Variants in MAP4K4 observed in about 807,000 individuals in gnomAD.
MAP4K4 encodes HPK/GCK-like kinase HGK.
A neutral mutation model predicts 189.6 loss-of-function variants in MAP4K4; 38 were observed. That is an observed-to-expected ratio of 0.20 (90% CI 0.15 to 0.26). The LOEUF is 0.26. Ranked by LOEUF, MAP4K4 falls within the 10% of genes least tolerant of loss-of-function variation. The pLI is 1.00. For synonymous variants in MAP4K4, 610 were observed against 624.3 expected (o/e 0.98, Z 0.34); for missense variants, 1,054 against 1,726.9 (o/e 0.61, Z 6.91).
At chr2:101,799,578 T>G (rs2094164566) in intron 3 of MAP4K4, among the ~76,000 whole-genome samples, 1 of 151,746 alleles carries the variant, frequency 6.6e-6, no homozygotes, top group South Asian at 2.1e-4. Flanking sequence ...TGTATATGTG[T>G]GTGGGTTTTT....
At chr2:101,863,748 G>T in intron 16 of MAP4K4, 73 bp from the exon 17 acceptor site, 1 of 1,016,986 alleles carries the variant, frequency 9.8e-7, no homozygotes, top group Non-Finnish European at 1.4e-6. Flanking sequence ...TCCTGCTTTG[G>T]ATTTGGTATT....
intron 3 of MAP4K4, among the ~76,000 whole-genome samples, chr2:101,792,968 C>A (rs1235653188): frequency 6.6e-6 from 1 of 152,150 alleles, no homozygotes; most frequent in African/African-American, 2.4e-5. Context: ...GTTAGTGCTT[C>A]AGTGTATTTC....
intron 30 of MAP4K4, 105 bp downstream of exon 30, chr2:101,887,342 C>A: frequency 8.4e-7 from 1 of 1,195,070 alleles, no homozygotes; most frequent in Non-Finnish European, 1.2e-6. Context: ...ATTCATTTCC[C>A]CTTGGTGTGG....
At chr2:101,718,100 T>C (rs1006893402) in intron 2 of MAP4K4, among the ~76,000 whole-genome samples, 2 of 151,836 alleles carry the variant, frequency 1.3e-5, no homozygotes, top group African/African-American at 4.8e-5. Flanking sequence ...CTACTAAAAA[T>C]ACAAAATTAG....
At chr2:101,706,481 A>G (rs1422756674) in intron 2 of MAP4K4, among the ~76,000 whole-genome samples, 6 of 152,158 alleles carry the variant, frequency 3.9e-5, no homozygotes, top group Non-Finnish European at 8.8e-5. Context: ...CATCGCTTTT[A>G]GTTTTTCATT....
chr2:101,814,152 T>C (rs2095585446), intron 3 of MAP4K4, among the ~76,000 whole-genome samples: 1 of 152,214 alleles, frequency 6.6e-6, no homozygotes. Flanking sequence ...TTGAGTGACC[T>C]CCAGATACAT....
At chr2:101,704,701 A>G (rs905238956) in intron 2 of MAP4K4, among the ~76,000 whole-genome samples, 8 of 150,080 alleles carry the variant, frequency 5.3e-5, no homozygotes, top group Admixed American at 5.3e-4. Flanking sequence ...CTGGGACTAC[A>G]GGTGCATGCC....
rs149283961 is a variant in MAP4K4 at position 101,729,101 on chromosome 2, A to AGAGAGAGTGTGT, written c.123+30564_123+30565insAGAGAGTGTGTG. Among the ~76,000 whole-genome samples the AGAGAGAGTGTGT allele has an allele frequency of 4.0e-3, 525 of 130,570 alleles. 4 individuals are homozygous for AGAGAGAGTGTGT. Among genetic ancestry groups the AGAGAGAGTGTGT allele is most frequent in the African/African-American group, 0.015 (487 of 32,182 alleles). 85.7% of individuals were successfully genotyped at this position (130,570 alleles called of 152,430 possible). A position where few individuals can be genotyped will look rare whatever the true frequency, so the allele number is the denominator to read the frequency against. ...AGGAGAGAGAGAGAGAGAGAGAGAG[A>AGAGAGAGTGTGT]GTGTGTGTGTGTGTGTGTGTGTGTG... On this transcript the variant is annotated intron_variant, in intron 2 of 32. Coordinates refer to ENST00000324219, the Ensembl canonical transcript of MAP4K4.
intron 12 of MAP4K4, among the ~76,000 whole-genome samples, chr2:101,851,148 A>C (rs1240405105): frequency 6.6e-6 from 1 of 152,222 alleles, no homozygotes; most frequent in Non-Finnish European, 1.5e-5. Context: ...TAGATAATTA[A>C]AGCTTAGTTG....
Position 101,790,702 on chromosome 2 carries a change from A to G in MAP4K4, c.124-18A>G, listed in dbSNP as rs371768886. 1.4e-5 allele frequency: 23 copies of G among 1,597,010 alleles called. No homozygotes were observed. The African/African-American group carries it at 2.1e-4, about 15-fold the overall frequency. On this transcript the variant is annotated intron_variant, in intron 2 of 32. Transcript: ENST00000324219. ...AAAAATTGGTGCTGATTTTTGATCT[A>G]TTTTTTCTGTTTTTCAGGGTCGACA...
chr2:101,801,015 A>T (rs1287901713), intron 3 of MAP4K4, among the ~76,000 whole-genome samples: 1 of 119,036 alleles, frequency 8.4e-6, no homozygotes, highest in Non-Finnish European at 1.7e-5. Context: ...CAAATTTTGT[A>T]TAATCTAAAT....
At chr2:101,788,698 A>C (rs1270211436) in intron 2 of MAP4K4, among the ~76,000 whole-genome samples, 1 of 152,094 alleles carries the variant, frequency 6.6e-6, no homozygotes, top group Non-Finnish European at 1.5e-5. Flanking sequence ...TAGTAAGGGA[A>C]ACTCATGTTT....
intron 8 of MAP4K4, 37 bp downstream of exon 8, chr2:101,834,500 C>G: frequency 6.5e-7 from 1 of 1,548,258 alleles, no homozygotes; most frequent in Non-Finnish European, 8.8e-7. Context: ...TCACTTGTTA[C>G]ATGTGACTTA....
intron 2 of MAP4K4, among the ~76,000 whole-genome samples, chr2:101,710,943 C>G (rs1559044108): frequency 1.3e-5 from 2 of 152,184 alleles, no homozygotes; most frequent in African/African-American, 4.8e-5. Context: ...CTCAGGAAGC[C>G]TTGCCTCCTA....
chr2:101,755,351 TAC>T, intron 2 of MAP4K4, among the ~76,000 whole-genome samples: 2 of 152,312 alleles, frequency 1.3e-5, no homozygotes, highest in East Asian at 3.9e-4. Flanking sequence ...ACTGCTTAAA[TAC>T]AGCAAAGGAA....
intron 2 of MAP4K4, among the ~76,000 whole-genome samples, chr2:101,737,452 TATATA>T (rs1558652222): frequency 7.7e-5 from 3 of 38,770 alleles, no homozygotes; most frequent in East Asian, 8.7e-4. Context: ...TATATATATA[TATATA>T]TATATTTTTT....
chr2:101,820,968 T>C (rs1234866713), intron 3 of MAP4K4, among the ~76,000 whole-genome samples: 2 of 152,176 alleles, frequency 1.3e-5, no homozygotes, highest in East Asian at 3.8e-4. Context: ...GTAGTAAAAA[T>C]TGTTACCCTT....
At chr2:101,718,063 C>G in intron 2 of MAP4K4, among the ~76,000 whole-genome samples, 1 of 152,136 alleles carries the variant, frequency 6.6e-6, no homozygotes, top group Non-Finnish European at 1.5e-5. Flanking sequence ...TCGAGACCAG[C>G]CTGACCAACA....
intron 3 of MAP4K4, among the ~76,000 whole-genome samples, chr2:101,798,821 A>G (rs1412523483): frequency 1.3e-5 from 2 of 152,242 alleles, no homozygotes; most frequent in East Asian, 1.9e-4. Context: ...ACAGTCTTCT[A>G]TTGCAATATT....
Sources: gnomAD v4.1 joint callset for allele counts (sites outside exome capture counted in the v4.1 genomes callset) on GRCh38, gnomAD v4.1.1 for gene constraint, MANE v1.5 for transcripts, NCBI Gene and HGNC (gene_info 2026-07-23, HGNC 2026-07-21) for gene names.